Variants in CELF2 observed in about 807,000 individuals in gnomAD.
CELF2 encodes the protein CUGBP Elav-like family member 2.
CELF2 carries 8 observed loss-of-function variants against 62.6 expected under a neutral mutation model. The ratio of observed to expected loss-of-function variants is 0.13; its 90% confidence interval spans 0.07 to 0.23. The LOEUF is 0.23. Among genes scored for constraint, CELF2 ranks in the 10% least tolerant of loss-of-function variants. The pLI, the probability that CELF2 is intolerant of heterozygous loss-of-function variation, is 1.00. For missense variants in CELF2, 333 were observed against 671.0 expected (o/e 0.50, Z 5.56); for synonymous variants, 258 against 250.0 (o/e 1.03, Z -0.30).
chr10:10,977,139 G>A (rs1334240169), intron 2 of CELF2, among the ~76,000 whole-genome samples: 1 of 152,152 alleles, frequency 6.6e-6, no homozygotes, highest in African/African-American at 2.4e-5. Flanking sequence ...AGTAGCCACA[G>A]GTGGATTCCA....
intron 1 of CELF2, among the ~76,000 whole-genome samples, chr10:11,055,410 T>G (rs1330383693): frequency 6.6e-6 from 1 of 152,176 alleles, no homozygotes; most frequent in African/African-American, 2.4e-5. Context: ...AGAGAAAGAA[T>G]AATAAAGGGA....
chr10:11,118,203 A>G (rs1279523796), intron 1 of CELF2, among the ~76,000 whole-genome samples: 1 of 152,090 alleles, frequency 6.6e-6, no homozygotes, highest in Admixed American at 6.6e-5. Context: ...CAATTGCATG[A>G]TAAGCAAACC....
intron 1 of CELF2, among the ~76,000 whole-genome samples, chr10:10,913,708 G>A (rs539708535): frequency 1.3e-5 from 2 of 151,494 alleles, no homozygotes; most frequent in Admixed American, 1.3e-4. Flanking sequence ...ATGTCTTTAA[G>A]CTAAGTTCTT....
intron 1 of CELF2, among the ~76,000 whole-genome samples, chr10:11,019,778 G>A (rs1479512521): frequency 6.6e-6 from 1 of 152,134 alleles, no homozygotes; most frequent in Non-Finnish European, 1.5e-5. Context: ...TTTGTTTTAA[G>A]AGACCTCTGT....
At chr10:10,715,187 C>G in the CELF2 span, among the ~76,000 whole-genome samples, 3 of 152,074 alleles carry the variant, frequency 2.0e-5, no homozygotes, top group African/African-American at 7.2e-5. Context: ...AGCACAAAAC[C>G]GTGATATAAA....
chr10:11,065,236 C>G (rs886518624), intron 1 of CELF2, among the ~76,000 whole-genome samples: 2 of 152,170 alleles, frequency 1.3e-5, no homozygotes, highest in East Asian at 3.9e-4. Flanking sequence ...ATCAAAACAT[C>G]AATATCTGTC....
chr10:11,004,711 T>G (rs2054902208), upstream of CELF2, among the ~76,000 whole-genome samples: 1 of 152,174 alleles, frequency 6.6e-6, no homozygotes, highest in Non-Finnish European at 1.5e-5. The surrounding 1 kb of genome is among the most constrained non-coding windows in gnomAD (Gnocchi z 5.0). Context: ...GTGAGAATTC[T>G]GGTGCGCACA....
At chr10:10,588,031 A>G in the CELF2 span, among the ~76,000 whole-genome samples, 1 of 132,512 alleles carries the variant, frequency 7.5e-6, no homozygotes, top group Admixed American at 7.2e-5. Context: ...TTTTTTTTTT[A>G]CATAATGTTT....
At chr10:10,645,879 A>G in the CELF2 span, among the ~76,000 whole-genome samples, 113 of 152,348 alleles carry the variant, frequency 7.4e-4, no homozygotes, top group African/African-American at 2.6e-3. Flanking sequence ...TTGTGATTCC[A>G]TGAAAGCATG....
At chr10:10,499,460 T>C in the CELF2 span, among the ~76,000 whole-genome samples, 5 of 152,194 alleles carry the variant, frequency 3.3e-5, no homozygotes, top group East Asian at 9.6e-4. Flanking sequence ...CATGTGATTA[T>C]GTGATTATAC....
the CELF2 span, among the ~76,000 whole-genome samples, chr10:10,708,058 C>A: frequency 6.6e-6 from 1 of 152,162 alleles, no homozygotes; most frequent in African/African-American, 2.4e-5. Flanking sequence ...TTCATATAAA[C>A]AAAGGCTTTA....
At chr10:10,696,552 C>T in the CELF2 span, among the ~76,000 whole-genome samples, 2 of 151,948 alleles carry the variant, frequency 1.3e-5, no homozygotes, top group Non-Finnish European at 2.9e-5. Flanking sequence ...TTCCCTGCTG[C>T]TTTGTTTACC....
chr10:10,563,648 T>G, the CELF2 span, among the ~76,000 whole-genome samples: 1 of 149,250 alleles, frequency 6.7e-6, no homozygotes. Context: ...AAGATAGAGA[T>G]TCTAAGAAAT....
At chr10:10,893,986 G>T (rs966485919) in intron 1 of CELF2, among the ~76,000 whole-genome samples, 2 of 152,132 alleles carry the variant, frequency 1.3e-5, no homozygotes, top group South Asian at 4.1e-4. Flanking sequence ...GCTCTTCATG[G>T]TTTCTGGAAT....
chr10:10,795,622 A>G (rs1254327285), upstream of CELF2, among the ~76,000 whole-genome samples: 1 of 152,228 alleles, frequency 6.6e-6, no homozygotes, highest in African/African-American at 2.4e-5. Flanking sequence ...CAGATCCATT[A>G]GGTGTGATCC....
chr10:11,252,163 G>A (rs945167769), intron 4 of CELF2, among the ~76,000 whole-genome samples: 9 of 152,204 alleles, frequency 5.9e-5, no homozygotes, highest in African/African-American at 2.2e-4. Flanking sequence ...GAGGAATCAG[G>A]AGGAATATGT....
the CELF2 span, among the ~76,000 whole-genome samples, chr10:10,661,747 A>T: frequency 6.6e-6 from 1 of 152,218 alleles, no homozygotes; most frequent in African/African-American, 2.4e-5. Flanking sequence ...AGGAATTCTT[A>T]TGCAAGGAGT....
At chr10:10,951,343 C>T (rs1260615878) in intron 2 of CELF2, among the ~76,000 whole-genome samples, 1 of 152,158 alleles carries the variant, frequency 6.6e-6, no homozygotes, top group African/African-American at 2.4e-5. Flanking sequence ...TGCCACATTG[C>T]CCAGGCTGGT....
intron 2 of CELF2, among the ~76,000 whole-genome samples, chr10:11,195,528 A>AAGT (rs1367567539): frequency 6.6e-6 from 1 of 152,190 alleles, no homozygotes; most frequent in Non-Finnish European, 1.5e-5. Context: ...CAATGTCACT[A>AAGT]AGGCAGTGTC....
Sources: allele counts gnomAD v4.1 joint callset (sites outside exome capture counted in the v4.1 genomes callset), GRCh38; gene constraint gnomAD v4.1.1; non-coding constraint Gnocchi (gnomAD v3.1); transcripts MANE v1.5; gene names NCBI Gene and HGNC (gene_info 2026-07-23, HGNC 2026-07-21).